The following NXPE2 variants were observed in gnomAD, a reference collection of about 807,000 sequenced individuals.
NXPE2 encodes the protein NXPE family member 2.
In NXPE2, 34 loss-of-function variants were observed where a neutral mutation model predicts 34.4. The observed-to-expected ratio is 0.99, with a 90% CI of 0.75 to 1.31. The LOEUF is 1.31. Among genes scored for constraint, NXPE2 ranks in the 40% most tolerant of loss-of-function variants. The probability of loss-of-function intolerance (pLI) is 0.00; values close to 1 mark genes in which losing one functional copy is unlikely to be tolerated. For missense variants in NXPE2, 649 were observed against 672.5 expected (o/e 0.97, Z 0.39); for synonymous variants, 235 against 231.3 (o/e 1.02, Z -0.15).
At chr11:114,800,405 A>G in the NXPE2 span, among the ~76,000 whole-genome samples, 2 of 152,246 alleles carry the variant, frequency 1.3e-5, no homozygotes, top group Admixed American at 1.3e-4. Flanking sequence ...AATGTAAGGT[A>G]GTAGCGAAGG....
the NXPE2 span, among the ~76,000 whole-genome samples, chr11:114,601,420 T>A: frequency 7.4e-6 from 1 of 134,998 alleles, no homozygotes; most frequent in African/African-American, 2.7e-5. Context: ...AAAGATGTAA[T>A]TTTGTTCTTT....
At chr11:114,640,463 G>A in the NXPE2 span, among the ~76,000 whole-genome samples, 7 of 151,378 alleles carry the variant, frequency 4.6e-5, no homozygotes, top group South Asian at 2.1e-4. Context: ...TTTCCTCTGG[G>A]TAGACACCAA....
chr11:114,647,483 T>C, the NXPE2 span, among the ~76,000 whole-genome samples: 2 of 152,156 alleles, frequency 1.3e-5, no homozygotes, highest in Non-Finnish European at 2.9e-5. Context: ...CATGTTTTAT[T>C]TCCTTAATGC....
the NXPE2 span, among the ~76,000 whole-genome samples, chr11:114,501,208 C>T: frequency 1.1e-4 from 17 of 152,174 alleles, no homozygotes; most frequent in East Asian, 1.7e-3. Context: ...GATTTTGGAA[C>T]GCCACCCCAG....
At chr11:114,476,090 G>A in the NXPE2 span, among the ~76,000 whole-genome samples, 1 of 152,198 alleles carries the variant, frequency 6.6e-6, no homozygotes, top group Non-Finnish European at 1.5e-5. Flanking sequence ...CCATGTTGTT[G>A]AGGGATTGGT....
At chr11:114,628,298 A>T in the NXPE2 span, among the ~76,000 whole-genome samples, 2 of 151,664 alleles carry the variant, frequency 1.3e-5, no homozygotes, top group East Asian at 3.8e-4. Context: ...AATGTAAAAG[A>T]ACAGAAATTA....
At chr11:114,631,906 G>A in the NXPE2 span, among the ~76,000 whole-genome samples, 1 of 151,262 alleles carries the variant, frequency 6.6e-6, no homozygotes, top group Non-Finnish European at 1.5e-5. Context: ...ATTGCCTCGT[G>A]GGTCACTACT....
At chr11:114,630,878 C>G in the NXPE2 span, among the ~76,000 whole-genome samples, 4 of 151,818 alleles carry the variant, frequency 2.6e-5, no homozygotes, top group African/African-American at 9.7e-5. Context: ...TGAACAGACA[C>G]TTCTTAAAAG....
At chr11:114,805,881 A>T in the NXPE2 span, among the ~76,000 whole-genome samples, 1 of 152,234 alleles carries the variant, frequency 6.6e-6, no homozygotes, top group Non-Finnish European at 1.5e-5. Context: ...AGATCTGAGA[A>T]CAGGCAGACT....
the NXPE2 span, among the ~76,000 whole-genome samples, chr11:114,549,638 A>G: frequency 5.9e-5 from 9 of 152,098 alleles, no homozygotes; most frequent in African/African-American, 1.9e-4. Flanking sequence ...TACTTAAGGG[A>G]AACACTAAAG....
At chr11:114,561,001 T>C in the NXPE2 span, among the ~76,000 whole-genome samples, 1 of 152,212 alleles carries the variant, frequency 6.6e-6, no homozygotes, top group Non-Finnish European at 1.5e-5. Flanking sequence ...ATTGGAGACC[T>C]TTCTCTCATG....
chr11:114,630,506 T>A, the NXPE2 span, among the ~76,000 whole-genome samples: 2 of 151,598 alleles, frequency 1.3e-5, no homozygotes, highest in African/African-American at 4.9e-5. Flanking sequence ...TCCTTACACC[T>A]TATACAAAAA....
the NXPE2 span, among the ~76,000 whole-genome samples, chr11:114,769,684 A>G: frequency 6.6e-6 from 1 of 152,168 alleles, no homozygotes; most frequent in Non-Finnish European, 1.5e-5. Flanking sequence ...AGCTGTGGAA[A>G]CCATCATTCT....
At chr11:114,663,253 T>G in the NXPE2 span, among the ~76,000 whole-genome samples, 2 of 152,244 alleles carry the variant, frequency 1.3e-5, no homozygotes, top group Admixed American at 1.3e-4. Flanking sequence ...TGTCTTGTGG[T>G]TTCAGTGCCA....
At chr11:114,465,530 G>A in the NXPE2 span, among the ~76,000 whole-genome samples, 2 of 152,162 alleles carry the variant, frequency 1.3e-5, no homozygotes, top group Non-Finnish European at 2.9e-5. Flanking sequence ...CCTTCGTGAG[G>A]GAGGAAGGGT....
the NXPE2 span, among the ~76,000 whole-genome samples, chr11:114,778,983 A>G: frequency 8.5e-3 from 1,289 of 152,302 alleles, 10 homozygotes; most frequent in Non-Finnish European, 0.013. Context: ...AAAGTTTATC[A>G]TTATGCTGGC....
the NXPE2 span, among the ~76,000 whole-genome samples, chr11:114,635,091 C>A: frequency 1.3e-5 from 2 of 151,810 alleles, no homozygotes; most frequent in East Asian, 3.9e-4. Context: ...TCTTCCTACC[C>A]ATGAGCATGG....
chr11:114,653,089 T>A, the NXPE2 span, among the ~76,000 whole-genome samples: 1 of 152,210 alleles, frequency 6.6e-6, no homozygotes, highest in Non-Finnish European at 1.5e-5. Context: ...ATTGAATGTA[T>A]AAATTTTCAA....
chr11:114,646,155 CTT>C, the NXPE2 span, among the ~76,000 whole-genome samples: 1 of 151,974 alleles, frequency 6.6e-6, no homozygotes, highest in African/African-American at 2.4e-5. Context: ...ATAGTGGTAA[CTT>C]TGTCATTTCT....
Sources: gnomAD v4.1 joint callset for allele counts (sites outside exome capture counted in the v4.1 genomes callset) on GRCh38, gnomAD v4.1.1 for gene constraint, MANE v1.5 for transcripts, NCBI Gene and HGNC (gene_info 2026-07-23, HGNC 2026-07-21) for gene names.